Variants in IKBKB observed in about 807,000 individuals in gnomAD.
IKBKB encodes inhibitor of nuclear factor kappa-B kinase subunit beta.
In IKBKB, 42 loss-of-function variants were observed where a neutral mutation model predicts 113.6. The observed-to-expected ratio is 0.37, with a 90% CI of 0.29 to 0.48. The LOEUF (loss-of-function observed/expected upper bound fraction) is 0.48. IKBKB is among the 20% of genes least tolerant of loss of function. The pLI is 0.99. For missense variants in IKBKB, 673 were observed against 939.7 expected, an observed-to-expected ratio of 0.72 and a Z score of 3.71; for synonymous variants, 296 against 361.3, an observed-to-expected ratio of 0.82 and a Z score of 2.05.
intron 2 of IKBKB, among the ~76,000 whole-genome samples, chr8:42,287,957 G>T (rs2130274788): frequency 6.6e-6 from 1 of 152,244 alleles, no homozygotes. Context: ...GTGTCCCATG[G>T]GTCAGCCTAA....
chr8:42,282,406 C>T (rs1056420452), intron 2 of IKBKB, among the ~76,000 whole-genome samples: 2 of 152,164 alleles, frequency 1.3e-5, no homozygotes, highest in Non-Finnish European at 2.9e-5. Context: ...AGAGTCTTGC[C>T]ATATTGCCCA....
rs545583829 is a variant in IKBKB, at chr8:42,280,617, A to G, written c.106-8017A>G. Among the ~76,000 whole-genome samples the G allele has an allele frequency of 4.6e-5, 7 of 152,200 alleles. No individual in the cohort carries two copies. The East Asian group carries it at 7.8e-4, about 17-fold the overall frequency. ...CTGATCTCCTCAGTGCTGGGTCCCC[A>G]ACATGGCTGGGCAGGATGTGGGTCA... On this transcript the variant is annotated intron_variant, in intron 2 of 21. Transcript: ENST00000520810.
At chr8:42,299,817 G>T (rs1452990317) in intron 5 of IKBKB, among the ~76,000 whole-genome samples, 1 of 152,242 alleles carries the variant, frequency 6.6e-6, no homozygotes, top group Non-Finnish European at 1.5e-5. Flanking sequence ...CCTCTGTGGG[G>T]ATTGCCTGGC....
Position 42,329,234 on chromosome 8 carries a change from T to C in IKBKB, c.2205+20T>C. 1 of 1,541,804 alleles carries C rather than the reference T, an allele frequency of 6.5e-7. No homozygotes were observed. The highest frequency in any genetic ancestry group is 8.7e-7 in the Non-Finnish European group (1 of 1,151,252). ...TTCACGGTAACAGCTTGTGTGAGAC[T>C]CCTGCGATTCCATGTCCTTTCTTTC... On this transcript the variant is annotated intron_variant, in intron 21 of 21. Transcript: ENST00000520810.
Position 42,320,825 on chromosome 8 carries a change from G to T in IKBKB, c.1669G>T (p.Gly557Trp). 4 of 1,599,926 alleles carry T rather than the reference G, an allele frequency of 2.5e-6. No homozygotes were observed. The South Asian group carries it at 3.4e-5, about 14-fold the overall frequency. Residue 557 changes from glycine (G) to tryptophan (W), a missense_variant, in exon 16 of 22, where the codon GGG becomes TGG. Physicochemically the swap from Gly to Trp is radical, Grantham distance 184. This residue lies in a region of IKBKB where 506 missense variants were observed against 638.7 expected (regional missense o/e 0.79). Transcript: ENST00000520810. ...GAGGAGCCCCATGGGCCGGAAGCAG[G>T]GGGGAACGCTGGACGACCTGTGAGT... ...LQRSPMGRKQ[G>W]GTLDDLEEQA...
intron 2 of IKBKB, among the ~76,000 whole-genome samples, chr8:42,283,451 G>T (rs1810748213): frequency 6.6e-6 from 1 of 152,222 alleles, no homozygotes; most frequent in African/African-American, 2.4e-5. Context: ...GGGGGTCCCA[G>T]TGTAATCCCA....
At chr8:42,307,180 A>G (rs1816701644) in intron 7 of IKBKB, among the ~76,000 whole-genome samples, 1 of 152,122 alleles carries the variant, frequency 6.6e-6, no homozygotes, top group Non-Finnish European at 1.5e-5. Flanking sequence ...TTGAAGGGTA[A>G]GGAGGTGAAA....
In IKBKB at chr8:42,322,327, G is replaced by A; in HGVS notation, c.1839-20G>A. 1.2e-6 allele frequency: 2 copies of A among 1,613,688 alleles called. No individual in the cohort carries two copies. Among genetic ancestry groups the A allele is most frequent in the Non-Finnish European group, 1.7e-6 (2 of 1,179,954 alleles). On this transcript the variant is annotated intron_variant, in intron 18 of 21. Coordinates refer to ENST00000520810, the MANE Select transcript of IKBKB (RefSeq NM_001556.3). Reference sequence around the variant, plus strand: ...TCTCCAGCCCAAATGCCATTAGTTTGCCATGTTTATTCTTTGCAGTAAAAC... The same window carrying A: ...TCTCCAGCCCAAATGCCATTAGTTTACCATGTTTATTCTTTGCAGTAAAAC...
Position 42,318,418 on chromosome 8 carries a change from A to G in IKBKB, c.1241-134A>G, listed in dbSNP as rs183780140. On this transcript the variant is annotated intron_variant, in intron 12 of 21. Coordinates refer to ENST00000520810, the MANE Select transcript of IKBKB (RefSeq NM_001556.3). ...GTATGTGACAGTAACCAGGCATAACACCCTCCAAAGTTACATGATCCTATA... is the reference window on the plus strand; with the variant it reads ...GTATGTGACAGTAACCAGGCATAACGCCCTCCAAAGTTACATGATCCTATA... 2.9e-4 allele frequency: 276 copies of G among 958,748 alleles called. No individual in the cohort carries two copies. In the East Asian group the frequency reaches 5.5e-3, roughly 19 times the overall value. The allele number at this position is 958,748 out of a possible 1,614,324, so 59.4% of individuals were successfully genotyped here. A position where few individuals can be genotyped will look rare whatever the true frequency, so the allele number is the denominator to read the frequency against.
intron 8 of IKBKB, among the ~76,000 whole-genome samples, chr8:42,310,687 A>G (rs1039636363): frequency 6.6e-6 from 1 of 152,242 alleles, no homozygotes; most frequent in African/African-American, 2.4e-5. Context: ...TGGAAACAGT[A>G]AAAAAGCAGG....
rs1263629969 is a variant in IKBKB at position 42,316,925 on chromosome 8, C to T, written c.1125+21C>T. 1 of 1,609,136 alleles carries T rather than the reference C, an allele frequency of 6.2e-7. No homozygotes were observed. On this transcript the variant is annotated intron_variant, in intron 11 of 21. Transcript: ENST00000520810. This position sits in a 1 kb window ranked among gnomAD's most constrained non-coding sequence, Gnocchi z 4.5. ...GCAAGGTGAGCCCTGGCTTCGTACACACCATCCTGTTTACCTTGGCTGTGC... is the reference window on the plus strand; with the variant it reads ...GCAAGGTGAGCCCTGGCTTCGTACATACCATCCTGTTTACCTTGGCTGTGC...
Position 42,271,454 on chromosome 8 carries a change from G to A in IKBKB, c.-34G>A. ...CCCCGGGGAGCCCGCCCCCTGCCCC[G>A]CGTCCCTGCCGACAGGTGAGTCCCC... On this transcript the variant is annotated 5_prime_UTR_variant, in exon 1 of 22. Transcript: ENST00000520810. 7 of 925,660 alleles carry A rather than the reference G, an allele frequency of 7.6e-6. No homozygotes were observed. The highest frequency in any genetic ancestry group is 1.1e-5 in the Non-Finnish European group (7 of 662,392). 57.3% of individuals were successfully genotyped at this position (925,660 alleles called of 1,614,324 possible).
At position 42,319,432 on chromosome 8, in the gene IKBKB, A is replaced by G. The variant is rs1181375049; in HGVS notation, c.1516+11A>G. The G allele has an allele frequency of 6.2e-7, 1 of 1,613,986 alleles. No homozygotes were observed. Among genetic ancestry groups the G allele is most frequent in the Non-Finnish European group, 8.5e-7 (1 of 1,179,974 alleles). Reference sequence around the variant, plus strand: ...CCGAGTTTGGGATCAGTGAGTGTGCACTTTGCAATGAGTTTAAAGACACCA... The same window carrying G: ...CCGAGTTTGGGATCAGTGAGTGTGCGCTTTGCAATGAGTTTAAAGACACCA... On this transcript the variant is annotated intron_variant, in intron 14 of 21. Transcript: ENST00000520810.
chr8:42,308,637 C>T (rs955501740), intron 7 of IKBKB, among the ~76,000 whole-genome samples: 5 of 152,124 alleles, frequency 3.3e-5, no homozygotes, highest in South Asian at 4.1e-4. Context: ...TAAAGCCTAG[C>T]GATGGGTGTG....
chr8:42,306,307 T>C (rs199782344), intron 6 of IKBKB, 36 bp from the exon 7 acceptor site: 3 of 1,310,774 alleles, frequency 2.3e-6, no homozygotes, highest in South Asian at 2.4e-5. Flanking sequence ...CATTGTGTTC[T>C]TATAACCCTC....
At chr8:42,292,241 G>A (rs1276544858) in intron 4 of IKBKB, among the ~76,000 whole-genome samples, 1 of 152,202 alleles carries the variant, frequency 6.6e-6, no homozygotes, top group African/African-American at 2.4e-5. Flanking sequence ...CTGGAAGTAG[G>A]TGGGATGTGG....
At chr8:42,318,442 T>C (rs1163225971) in intron 12 of IKBKB, 110 bp from the exon 13 acceptor site, 6 of 1,223,398 alleles carry the variant, frequency 4.9e-6, no homozygotes, top group East Asian at 4.7e-5. Context: ...CATGATCCTA[T>C]AGTAGGTACA....
At chr8:42,278,560 C>T (rs976491164) in intron 2 of IKBKB, among the ~76,000 whole-genome samples, 16 of 152,182 alleles carry the variant, frequency 1.1e-4, no homozygotes, top group East Asian at 1.9e-4. Context: ...TAGCCCGCTC[C>T]GGCCTGATTC....
At chr8:42,281,215 A>G (rs918580826) in intron 2 of IKBKB, among the ~76,000 whole-genome samples, 3 of 152,130 alleles carry the variant, frequency 2.0e-5, no homozygotes, top group Non-Finnish European at 4.4e-5. Context: ...GAAAGGAGGT[A>G]CACTTTCGAG....
Sources: gnomAD v4.1 joint callset for allele counts (sites outside exome capture counted in the v4.1 genomes callset) on GRCh38, gnomAD v4.1.1 for gene constraint, gnomAD v4.1.1 regional missense constraint, Gnocchi (gnomAD v3.1) non-coding constraint, MANE v1.5 for transcripts, NCBI Gene and HGNC (gene_info 2026-07-23, HGNC 2026-07-21) for gene names.